Variants in NKAIN3 observed in about 807,000 individuals in gnomAD.
NKAIN3 encodes sodium/potassium transporting ATPase interacting 3.
NKAIN3 carries 25 observed loss-of-function variants against 30.2 expected under a neutral mutation model. The ratio of observed to expected loss-of-function variants is 0.83; its 90% confidence interval spans 0.60 to 1.16. The LOEUF (loss-of-function observed/expected upper bound fraction) is 1.16, where lower values mean the gene tolerates loss of function less well. Among genes scored for constraint, NKAIN3 ranks in the 50% most tolerant of loss-of-function variants. NKAIN3 has a pLI of 0.00. For missense variants in NKAIN3, 225 were observed against 254.1 expected (o/e 0.89, Z 0.78); for synonymous variants, 91 against 89.6 (o/e 1.02, Z -0.09).
At chr8:62,802,693 G>A (rs908946606) in intron 4 of NKAIN3, among the ~76,000 whole-genome samples, 1 of 152,162 alleles carries the variant, frequency 6.6e-6, no homozygotes, top group Non-Finnish European at 1.5e-5. Flanking sequence ...AGGCTAGGAA[G>A]AAATTGCATC....
At chr8:62,312,823 C>CA (rs56252388) in intron 1 of NKAIN3, among the ~76,000 whole-genome samples, 2,594 of 142,372 alleles carry the variant, frequency 0.018, 33 homozygotes, top group African/African-American at 0.037. Context: ...AACCTTGTCT[C>CA]AAAAAAAAAA....
chr8:62,455,939 GTT>G (rs1805806201), intron 1 of NKAIN3, among the ~76,000 whole-genome samples: 1 of 152,136 alleles, frequency 6.6e-6, no homozygotes, highest in Non-Finnish European at 1.5e-5. Context: ...TGTATACTAT[GTT>G]TTTCCTGTGG....
At chr8:62,558,357 G>A (rs919209410) in intron 1 of NKAIN3, among the ~76,000 whole-genome samples, 1 of 151,968 alleles carries the variant, frequency 6.6e-6, no homozygotes, top group Admixed American at 6.6e-5. Context: ...CTCCAGATTT[G>A]TTCTTTTTGG....
At chr8:62,929,160 G>T (rs1431085317) in intron 5 of NKAIN3, among the ~76,000 whole-genome samples, 1 of 152,142 alleles carries the variant, frequency 6.6e-6, no homozygotes, top group African/African-American at 2.4e-5. Flanking sequence ...AAAACAAAGG[G>T]CTTGACTTCA....
At chr8:62,994,263 T>C (rs1270000688) in intron 5 of NKAIN3, among the ~76,000 whole-genome samples, 1 of 152,158 alleles carries the variant, frequency 6.6e-6, no homozygotes, top group East Asian at 1.9e-4. Context: ...TGCCATGCAA[T>C]GGGTCGTTAT....
intron 4 of NKAIN3, among the ~76,000 whole-genome samples, chr8:62,820,098 G>A (rs1818806639): frequency 6.6e-6 from 1 of 152,108 alleles, no homozygotes; most frequent in Non-Finnish European, 1.5e-5. Context: ...ATGACTAATA[G>A]TATTTCCAAA....
chr8:62,310,964 C>T (rs991133687), intron 1 of NKAIN3, among the ~76,000 whole-genome samples: 2 of 150,236 alleles, frequency 1.3e-5, no homozygotes, highest in Non-Finnish European at 2.9e-5. Context: ...CCTGACAAGC[C>T]GACTGAGTCA....
At chr8:62,571,891 G>A (rs996363578) in intron 1 of NKAIN3, among the ~76,000 whole-genome samples, 8 of 152,070 alleles carry the variant, frequency 5.3e-5, no homozygotes, top group African/African-American at 9.7e-5. Flanking sequence ...GCCGGCCCAC[G>A]AAACCACTTT....
intron 1 of NKAIN3, among the ~76,000 whole-genome samples, chr8:62,283,861 AG>A (rs1225148812): frequency 6.6e-6 from 1 of 152,154 alleles, no homozygotes; most frequent in Non-Finnish European, 1.5e-5. Flanking sequence ...AAAAATTTAC[AG>A]TAAAAAACAT....
rs1243545449 is a variant in NKAIN3 at position 62,264,418 on chromosome 8, ACTT to A, written c.54+15294_54+15296del. 3.3e-5 allele frequency among the ~76,000 whole-genome samples: 5 copies of A among 152,242 alleles called. No individual in the cohort carries two copies. The East Asian group carries it at 9.7e-4, about 29-fold the overall frequency. On this transcript the variant is annotated intron_variant, in intron 1 of 6. Transcript: ENST00000623646. ...AACATTAATTAAATCAAATACTTAA[ACTT>A]CTCTTTTTTAGAAGTGGGAAGAATA... is the stretch of plus-strand genomic sequence containing the variant.
intron 1 of NKAIN3, among the ~76,000 whole-genome samples, chr8:62,409,418 C>T (rs896207469): frequency 5.3e-5 from 8 of 151,958 alleles, no homozygotes; most frequent in Non-Finnish European, 8.8e-5. Context: ...TTCTGACCTC[C>T]GGTGCTCCTC....
intron 1 of NKAIN3, among the ~76,000 whole-genome samples, chr8:62,380,067 T>C (rs2129593881): frequency 6.6e-6 from 1 of 152,258 alleles, no homozygotes; most frequent in African/African-American, 2.4e-5. Context: ...GTAAAATGGA[T>C]TGGTAAAGGG....
At chr8:62,728,063 A>C (rs952348127) in intron 3 of NKAIN3, among the ~76,000 whole-genome samples, 1 of 152,220 alleles carries the variant, frequency 6.6e-6, no homozygotes, top group Non-Finnish European at 1.5e-5. Flanking sequence ...AAGCCAAGAT[A>C]GTTTTTTCAC....
At chr8:62,707,000 C>T (rs548224491) in intron 3 of NKAIN3, among the ~76,000 whole-genome samples, 9 of 151,942 alleles carry the variant, frequency 5.9e-5, no homozygotes, top group Admixed American at 5.3e-4. Flanking sequence ...CAGGTCACTG[C>T]AAATGCTGTT....
At chr8:62,872,249 T>C (rs34597813) in intron 4 of NKAIN3, among the ~76,000 whole-genome samples, 22 of 152,270 alleles carry the variant, frequency 1.4e-4, no homozygotes, top group African/African-American at 5.3e-4. Flanking sequence ...TGTCAGAAGG[T>C]ATCCCTGTTG....
chr8:62,631,255 G>A (rs1811950563), intron 3 of NKAIN3, among the ~76,000 whole-genome samples: 1 of 152,128 alleles, frequency 6.6e-6, no homozygotes, highest in South Asian at 2.1e-4. Context: ...TTCAAGCTAT[G>A]CCTACTCTTC....
intron 3 of NKAIN3, among the ~76,000 whole-genome samples, chr8:62,694,777 T>TC (rs1378605762): frequency 6.6e-6 from 1 of 152,102 alleles, no homozygotes; most frequent in African/African-American, 2.4e-5. Flanking sequence ...CCAAATATTA[T>TC]CTCATAGCTT....
At chr8:62,729,436 A>G (rs1815396548) in intron 3 of NKAIN3, among the ~76,000 whole-genome samples, 1 of 152,224 alleles carries the variant, frequency 6.6e-6, no homozygotes, top group African/African-American at 2.4e-5. Context: ...GCAAAATGGT[A>G]CAGCTACTTT....
At chr8:62,690,629 G>T (rs1356509923) in intron 3 of NKAIN3, among the ~76,000 whole-genome samples, 1 of 152,180 alleles carries the variant, frequency 6.6e-6, no homozygotes, top group Admixed American at 6.5e-5. Flanking sequence ...TCCAGAGGCT[G>T]GGTAAGTGGG....
Sources: gnomAD v4.1 joint callset for allele counts (sites outside exome capture counted in the v4.1 genomes callset) on GRCh38, gnomAD v4.1.1 for gene constraint, MANE v1.5 for transcripts, NCBI Gene and HGNC (gene_info 2026-07-23, HGNC 2026-07-21) for gene names.